The following MCC variants were observed in gnomAD, a reference collection of about 807,000 sequenced individuals.
MCC encodes MCC regulator of Wnt signaling pathway.
Under a neutral mutation model 116.2 loss-of-function variants are expected in MCC, and 90 were observed. The observed-to-expected ratio is 0.77, with a 90% confidence interval of 0.65 to 0.92. The LOEUF (loss-of-function observed/expected upper bound fraction) is 0.92, where lower values mean the gene tolerates loss of function less well. MCC is among the 40% of genes least tolerant of loss of function. The pLI, the probability that MCC is intolerant of heterozygous loss-of-function variation, is 0.00. For synonymous variants in MCC, 578 were observed against 510.5 expected (o/e 1.13, Z -1.78); for missense variants, 1,516 against 1,312.2 (o/e 1.16, Z -2.40).
At chr5:113,130,183 G>C (rs1228624736) in intron 5 of MCC, among the ~76,000 whole-genome samples, 3 of 152,164 alleles carry the variant, frequency 2.0e-5, no homozygotes, top group Non-Finnish European at 4.4e-5. Context: ...CATGTCCTTT[G>C]CAGGGACATG....
At chr5:113,310,765 A>G (rs1767117916) in intron 3 of MCC, among the ~76,000 whole-genome samples, 1 of 152,242 alleles carries the variant, frequency 6.6e-6, no homozygotes, top group Non-Finnish European at 1.5e-5. Flanking sequence ...AAAAAACACA[A>G]AATGGATAAC....
chr5:113,376,717 C>T (rs1282106320), intron 2 of MCC, among the ~76,000 whole-genome samples: 1 of 151,998 alleles, frequency 6.6e-6, no homozygotes, highest in African/African-American at 2.4e-5. Flanking sequence ...TTTCCCTGCC[C>T]GGCACTCATT....
At chr5:113,315,162 G>T (rs983180156) in intron 3 of MCC, among the ~76,000 whole-genome samples, 1 of 152,120 alleles carries the variant, frequency 6.6e-6, no homozygotes, top group Non-Finnish European at 1.5e-5. Context: ...TGCTTTTAAG[G>T]TAAAGATGAG....
At position 113,202,216 on chromosome 5, in the gene MCC, A is replaced by G. The variant is rs997312433; in HGVS notation, c.628-50794T>C. Among the ~76,000 whole-genome samples, 1,142 of 148,932 alleles carry G rather than the reference A, an allele frequency of 7.7e-3. 12 individuals carry two copies. The highest frequency in any genetic ancestry group is 0.026 in the African/African-American group (1,058 of 40,374). The stretch of plus-strand genomic sequence containing the variant: ...AATGTTCAGTTTTGCAAAAGGGGGA[A>G]AAAAAAAAAGGAAGGATGGGGAAGA... On this transcript the variant is annotated intron_variant, in intron 3 of 18. Transcript: ENST00000408903.
chr5:113,213,242 A>G (rs1763194824), intron 3 of MCC, among the ~76,000 whole-genome samples: 1 of 152,236 alleles, frequency 6.6e-6, no homozygotes, highest in Non-Finnish European at 1.5e-5. Context: ...CTAGGAATAA[A>G]CATTAAAGCA....
chr5:113,467,031 G>C (rs1408072040), intron 1 of MCC, among the ~76,000 whole-genome samples: 1 of 148,956 alleles, frequency 6.7e-6, no homozygotes, highest in Non-Finnish European at 1.5e-5. Context: ...TGATGGGGTT[G>C]TTTGTTTTTT....
At chr5:113,123,967 G>C (rs1757883031) in intron 5 of MCC, among the ~76,000 whole-genome samples, 1 of 152,206 alleles carries the variant, frequency 6.6e-6, no homozygotes, top group South Asian at 2.1e-4. Flanking sequence ...GATCATTAGG[G>C]TTTAGGGAGG....
Position 113,097,906 on chromosome 5 carries a change from C to A in MCC, c.1398+3833G>T, listed in dbSNP as rs547192844. On this transcript the variant is annotated intron_variant, in intron 8 of 18. Coordinates refer to ENST00000408903, the MANE Select transcript of MCC (RefSeq NM_001085377.2). ...GGCAATGAAACCAGAAGCCAGACCC[C>A]CAGGATGAGAGAGGCCCAGGAGAGA... Among the ~76,000 whole-genome samples the A allele has an allele frequency of 2.9e-3, 437 of 152,248 alleles. 6 individuals carry two copies. The highest frequency in any genetic ancestry group is 5.4e-4 in the Non-Finnish European group (37 of 68,014).
intron 1 of MCC, among the ~76,000 whole-genome samples, chr5:113,462,480 A>G (rs567547084): frequency 2.0e-5 from 3 of 152,152 alleles, no homozygotes; most frequent in African/African-American, 7.2e-5. Flanking sequence ...AAATGTCATT[A>G]ACAGTATTGT....
intron 1 of MCC, among the ~76,000 whole-genome samples, chr5:113,431,275 A>G (rs1770634849): frequency 6.6e-6 from 1 of 152,142 alleles, no homozygotes; most frequent in South Asian, 2.1e-4. Flanking sequence ...TGCTATGACA[A>G]AGTACCACAA....
chr5:113,144,589 G>A (rs1232027433), intron 4 of MCC, among the ~76,000 whole-genome samples: 2 of 152,124 alleles, frequency 1.3e-5, no homozygotes, highest in Non-Finnish European at 2.9e-5. Context: ...GGCTTTCAAC[G>A]ATAAACTGAA....
At chr5:113,258,458 C>T (rs866989312) in intron 3 of MCC, among the ~76,000 whole-genome samples, 121 of 152,330 alleles carry the variant, frequency 7.9e-4, no homozygotes, top group African/African-American at 2.8e-3. Flanking sequence ...GCCTGGGCTC[C>T]GCCTCCTGTC....
intron 1 of MCC, among the ~76,000 whole-genome samples, chr5:113,408,779 T>C (rs768230058): frequency 1.1e-4 from 16 of 152,158 alleles, no homozygotes; most frequent in Non-Finnish European, 2.1e-4. Flanking sequence ...GGGGTTCTCC[T>C]AGGGGTAGTG....
chr5:113,053,018 G>T (rs1278033666), intron 15 of MCC, among the ~76,000 whole-genome samples: 2 of 152,196 alleles, frequency 1.3e-5, no homozygotes, highest in African/African-American at 4.8e-5. Context: ...TGTAAGAGCA[G>T]GTACCAGGTG....
At chr5:113,198,196 G>A (rs1422864866) in intron 3 of MCC, among the ~76,000 whole-genome samples, 1 of 152,194 alleles carries the variant, frequency 6.6e-6, no homozygotes, top group Non-Finnish European at 1.5e-5. Flanking sequence ...CTTTGGTGGT[G>A]TCATTATTTG....
chr5:113,091,187 G>A (rs1216318766), intron 8 of MCC, among the ~76,000 whole-genome samples: 2 of 152,212 alleles, frequency 1.3e-5, no homozygotes, highest in Non-Finnish European at 2.9e-5. Context: ...CTTTGGGTGT[G>A]AGGTCCAAAT....
chr5:113,458,487 C>A (rs775772076), intron 1 of MCC, among the ~76,000 whole-genome samples: 19 of 152,108 alleles, frequency 1.2e-4, no homozygotes, highest in Non-Finnish European at 2.1e-4. Flanking sequence ...TAACACTCAC[C>A]GCGAGGGTCC....
chr5:113,132,387 C>T (rs941547207), intron 5 of MCC, among the ~76,000 whole-genome samples: 1 of 136,968 alleles, frequency 7.3e-6, no homozygotes, highest in African/African-American at 2.8e-5. Context: ...TATATACATA[C>T]ATATATATAT....
At chr5:113,361,382 T>C (rs1310258776) in intron 2 of MCC, among the ~76,000 whole-genome samples, 3 of 152,206 alleles carry the variant, frequency 2.0e-5, no homozygotes, top group African/African-American at 7.2e-5. Context: ...TCAAAATTCT[T>C]AGAATGGATG....
Sources: allele counts gnomAD v4.1 joint callset (sites outside exome capture counted in the v4.1 genomes callset), GRCh38; gene constraint gnomAD v4.1.1; transcripts MANE v1.5; gene names NCBI Gene and HGNC (gene_info 2026-07-23, HGNC 2026-07-21).